TMEM217B: variants seen among roughly 807,000 people sequenced by gnomAD.
The protein encoded by TMEM217B is transmembrane protein 217B.
chr6:37,223,109 AAATAT>A, the TMEM217B span, among the ~76,000 whole-genome samples: 1 of 152,222 alleles, frequency 6.6e-6, no homozygotes, highest in Non-Finnish European at 1.5e-5. Flanking sequence ...AAAAGATGGA[AAATAT>A]GAAGGAGAAG....
chr6:37,232,138 A>T, the TMEM217B span, among the ~76,000 whole-genome samples: 1 of 152,128 alleles, frequency 6.6e-6, no homozygotes, highest in Non-Finnish European at 1.5e-5. Flanking sequence ...TTTATTCTTA[A>T]ATCTGGGCTA....
the TMEM217B span, among the ~76,000 whole-genome samples, chr6:37,250,491 A>C: frequency 6.6e-6 from 1 of 152,260 alleles, no homozygotes; most frequent in Non-Finnish European, 1.5e-5. Flanking sequence ...CATTGCTGTG[A>C]GGATAAGTTG....
the TMEM217B span, chr6:37,218,553 C>A: frequency 3.7e-6 from 6 of 1,614,102 alleles, no homozygotes; most frequent in African/African-American, 6.7e-5. Flanking sequence ...ATTATATTGC[C>A]CTGGCTCCGG....
the TMEM217B span, among the ~76,000 whole-genome samples, chr6:37,226,281 C>CTTTTT: frequency 3.2e-4 from 24 of 74,876 alleles, 4 homozygotes; most frequent in Admixed American, 4.7e-4. Context: ...TTGAGACAGT[C>CTTTTT]TTTTTTTTTT....
At chr6:37,250,663 A>C in the TMEM217B span, among the ~76,000 whole-genome samples, 3 of 152,380 alleles carry the variant, frequency 2.0e-5, no homozygotes, top group Admixed American at 6.5e-5. Flanking sequence ...AGTACATTTT[A>C]CATCACAACC....
At chr6:37,241,007 T>G in the TMEM217B span, among the ~76,000 whole-genome samples, 1 of 152,198 alleles carries the variant, frequency 6.6e-6, no homozygotes, top group Non-Finnish European at 1.5e-5. Flanking sequence ...CTGACCTTTT[T>G]GCAAGTTATG....
At chr6:37,254,829 C>A in the TMEM217B span, among the ~76,000 whole-genome samples, 1 of 152,086 alleles carries the variant, frequency 6.6e-6, no homozygotes. Context: ...CACCTGGGAC[C>A]AGTTTCAGGG....
At chr6:37,232,916 C>T in the TMEM217B span, among the ~76,000 whole-genome samples, 3 of 152,182 alleles carry the variant, frequency 2.0e-5, no homozygotes, top group East Asian at 5.8e-4. Flanking sequence ...TTCCTAAAGG[C>T]TAGTCTCCCT....
chr6:37,226,739 T>C, the TMEM217B span, among the ~76,000 whole-genome samples: 2 of 152,148 alleles, frequency 1.3e-5, no homozygotes, highest in Admixed American at 1.3e-4. Flanking sequence ...TTTTTTTGTA[T>C]TTTTAGTAGA....
the TMEM217B span, among the ~76,000 whole-genome samples, chr6:37,226,391 C>CA: frequency 7.1e-6 from 1 of 141,628 alleles, no homozygotes; most frequent in Non-Finnish European, 1.5e-5. Flanking sequence ...CTCCCGGGTT[C>CA]ACGCCATTCT....
the TMEM217B span, among the ~76,000 whole-genome samples, chr6:37,257,182 A>C: frequency 6.6e-6 from 1 of 152,180 alleles, no homozygotes; most frequent in Admixed American, 6.5e-5. Context: ...TGACATAGGG[A>C]TTAGATCATT....
the TMEM217B span, among the ~76,000 whole-genome samples, chr6:37,253,015 T>C: frequency 1.3e-5 from 2 of 152,170 alleles, no homozygotes; most frequent in African/African-American, 4.8e-5. Context: ...TATATAATTC[T>C]ACCCTCTACC....
At chr6:37,218,011 C>T in the TMEM217B span, 1 of 991,230 alleles carries the variant, frequency 1.0e-6, no homozygotes, top group African/African-American at 1.7e-5. Flanking sequence ...TTCATGTTCT[C>T]CTGAAAGAGT....
chr6:37,251,545 T>C, the TMEM217B span, among the ~76,000 whole-genome samples: 3 of 152,218 alleles, frequency 2.0e-5, no homozygotes, highest in African/African-American at 7.2e-5. Flanking sequence ...GAATGTTGAG[T>C]GAAAAAGCCA....
At chr6:37,215,308 TA>T in the TMEM217B span, 285 of 1,607,874 alleles carry the variant, frequency 1.8e-4, 2 homozygotes, top group South Asian at 2.4e-3. Flanking sequence ...AACAAATGAA[TA>T]AAAATTGTTT....
chr6:37,215,309 A>T, the TMEM217B span: 2 of 1,608,006 alleles, frequency 1.2e-6, no homozygotes, highest in South Asian at 1.1e-5. Context: ...ACAAATGAAT[A>T]AAAATTGTTT....
At chr6:37,232,857 C>T in the TMEM217B span, among the ~76,000 whole-genome samples, 1 of 152,186 alleles carries the variant, frequency 6.6e-6, no homozygotes, top group African/African-American at 2.4e-5. Flanking sequence ...TTTCTCTCAC[C>T]TGTCTGGCAA....
the TMEM217B span, among the ~76,000 whole-genome samples, chr6:37,225,235 T>C: frequency 1.3e-5 from 2 of 151,968 alleles, no homozygotes; most frequent in African/African-American, 4.8e-5. Flanking sequence ...AGTAAGAGGA[T>C]AATAGATACA....
At chr6:37,218,661 C>T in the TMEM217B span, 2 of 1,613,998 alleles carry the variant, frequency 1.2e-6, no homozygotes, top group African/African-American at 2.7e-5. Flanking sequence ...ATGATTCTGA[C>T]CTCTTTAATG....
Sources: gnomAD v4.1 joint callset for allele counts (sites outside exome capture counted in the v4.1 genomes callset) on GRCh38, gnomAD v4.1.1 for gene constraint, MANE v1.5 for transcripts, NCBI Gene and HGNC (gene_info 2026-07-23, HGNC 2026-07-21) for gene names.